SYNE1: variants seen among roughly 807,000 people sequenced by gnomAD.
SYNE1 encodes the protein nesprin-1.
In SYNE1, 616 loss-of-function variants were observed where a neutral mutation model predicts 1,111.0. The observed-to-expected ratio is 0.55, with a 90% CI of 0.52 to 0.59. SYNE1 has a LOEUF of 0.59. Ranked by LOEUF, SYNE1 falls within the 20% of genes least tolerant of loss-of-function variation. The pLI, the probability that SYNE1 is intolerant of heterozygous loss-of-function variation, is 0.00. For synonymous variants in SYNE1, 3,855 were observed against 3,825.8 expected (o/e 1.01, Z -0.28); for missense variants, 10,006 against 10,417.0 (o/e 0.96, Z 1.72).
chr6:152,448,691 C>G (rs1330476208), intron 28 of SYNE1, among the ~76,000 whole-genome samples: 1 of 152,012 alleles, frequency 6.6e-6, no homozygotes, highest in African/African-American at 2.4e-5. Context: ...AAAATACAAA[C>G]ATTAGCCAGG....
chr6:152,310,361 C>T, intron 89 of SYNE1, 35 bp downstream of exon 89: 1 of 1,613,364 alleles, frequency 6.2e-7, no homozygotes, highest in East Asian at 2.2e-5. Context: ...AATATAGGTC[C>T]CTGTCCCTAT....
chr6:152,571,772 A>T (rs1402050705), intron 3 of SYNE1, among the ~76,000 whole-genome samples: 6 of 152,232 alleles, frequency 3.9e-5, no homozygotes, highest in Non-Finnish European at 1.5e-5. Flanking sequence ...CAGAGAAAAG[A>T]TTAACATTTT....
chr6:152,518,907 A>G (rs2099125499), intron 6 of SYNE1, among the ~76,000 whole-genome samples: 1 of 151,778 alleles, frequency 6.6e-6, no homozygotes, highest in Non-Finnish European at 1.5e-5. Context: ...ATGTATATAT[A>G]TGAGTTAATA....
intron 127 of SYNE1, among the ~76,000 whole-genome samples, chr6:152,198,726 G>A (rs2074714733): frequency 6.6e-6 from 1 of 152,156 alleles, no homozygotes; most frequent in African/African-American, 2.4e-5. Flanking sequence ...TGTTGGTGGA[G>A]CAATCAGAAC....
chr6:152,450,948 A>G, intron 26 of SYNE1, 99 bp downstream of exon 26: 1 of 1,595,566 alleles, frequency 6.3e-7, no homozygotes, highest in Non-Finnish European at 8.6e-7. Context: ...AGAGTAATTA[A>G]GCTATTATTT....
rs751612745 is a variant in SYNE1, at chr6:152,326,274, AAC to A, written c.15293+20_15293+21del. The stretch of plus-strand genomic sequence containing the variant: ...GGAAATTCATTTCACTAAAACATAA[AAC>A]ACAAAACATCCTGAAATACCTCTGC... On this transcript the variant is annotated intron_variant, in intron 79 of 145. Coordinates refer to ENST00000367255, the MANE Select transcript of SYNE1 (RefSeq NM_182961.4). 4.3e-6 allele frequency: 7 copies of A among 1,613,844 alleles called. No homozygotes were observed. The Admixed American group carries it at 1.2e-4, about 27-fold the overall frequency.
At chr6:152,604,960 G>T (rs1401916470) in intron 3 of SYNE1, among the ~76,000 whole-genome samples, 31 of 15,102 alleles carry the variant, frequency 2.1e-3, no homozygotes, top group African/African-American at 6.8e-3. Context: ...AAGAAAGAAA[G>T]AAAGAAAGAA....
At position 152,526,152 on chromosome 6, in the gene SYNE1, G is replaced by T. The variant is rs779081280; in HGVS notation, c.153C>A (p.Asp51Glu). 3.1e-6 allele frequency: 5 copies of T among 1,614,090 alleles called. No homozygotes were observed. The highest frequency in any genetic ancestry group is 4.2e-6 in the Non-Finnish European group (5 of 1,179,980). Reference protein sequence around the residue: ...LAKRKPPMVVDDLFEDMKDGV... With the variant: ...LAKRKPPMVVEDLFEDMKDGV... ...CATCTTTCATGTCTTCAAAAAGATC[G>T]TCCACCACCATTGGAGGTTTCCGCT... is the stretch of plus-strand genomic sequence containing the variant. Residue 51 changes from aspartate to glutamate, a missense_variant, in exon 5 of 146, where the codon GAC (aspartate) becomes GAA (glutamate). By Grantham distance (45) the Asp-to-Glu change is conservative. Transcript: ENST00000367255.
chr6:152,146,102 C>T (rs1488959753), intron 137 of SYNE1: 1 of 154,518 alleles, frequency 6.5e-6, no homozygotes, highest in Non-Finnish European at 1.4e-5. Context: ...GGTCTGAGCA[C>T]AAATTTATCA....
intron 42 of SYNE1, among the ~76,000 whole-genome samples, chr6:152,412,796 G>A (rs543974552): frequency 6.6e-6 from 1 of 151,696 alleles, no homozygotes; most frequent in Admixed American, 6.6e-5. Flanking sequence ...GGCTGTCATG[G>A]TAGTACTTCA....
chr6:152,306,764 G>A (rs1458173345), intron 91 of SYNE1, among the ~76,000 whole-genome samples: 6 of 150,938 alleles, frequency 4.0e-5, no homozygotes, highest in East Asian at 1.9e-4. Context: ...GTACATGCTC[G>A]TAGTCCCAAA....
rs75908398 is a variant in SYNE1 at position 152,517,741 on chromosome 6, T to C, written c.309+2718A>G. On this transcript the variant is annotated intron_variant, in intron 6 of 145. Transcript: ENST00000367255. ...AAAAAAGCAAAATGCATTTATGGTA[T>C]GCTATCCTTCATGTAAGAAAGACGG... 4.5e-4 allele frequency among the ~76,000 whole-genome samples: 69 copies of C among 152,276 alleles called. 3 individuals carry two copies. In the East Asian group the frequency reaches 0.013, roughly 29 times the overall value.
intron 18 of SYNE1, chr6:152,464,888 G>A (rs758843795): frequency 1.0e-4 from 31 of 305,816 alleles, no homozygotes; most frequent in East Asian, 1.7e-4. Flanking sequence ...TTCAACTGGC[G>A]TATGCTACCA....
At chr6:152,250,624 T>C (rs1486440917) in intron 104 of SYNE1, among the ~76,000 whole-genome samples, 1 of 152,212 alleles carries the variant, frequency 6.6e-6, no homozygotes, top group Admixed American at 6.5e-5. Flanking sequence ...TCTGCAAGTC[T>C]AGTGGCTAAC....
At position 152,132,153 on chromosome 6, in the gene SYNE1, G is replaced by A; in HGVS notation, c.26063C>T (p.Ser8688Leu). 6.2e-7 allele frequency: 1 copy of A among 1,614,170 alleles called. No individual in the cohort carries two copies. The highest frequency in any genetic ancestry group is 8.5e-7 in the Non-Finnish European group (1 of 1,180,020). Residue 8688 changes from serine to leucine, a missense_variant, in exon 144 of 146, where the codon TCA becomes TTA. This residue lies in a region of SYNE1 where 761 missense variants were observed against 795.5 expected (regional missense o/e 0.96). Coordinates refer to ENST00000367255, the MANE Select transcript of SYNE1 (RefSeq NM_182961.4). ...LDTSGSVSPT[S>L]GRSTPNRQKT... ...CTGTCTGTTTGGGGTGCTCCTTCCT[G>A]ATGTGGGACTCACAGACCCTGAGGT...
At chr6:152,286,865 G>T (rs1289200764) in intron 95 of SYNE1, among the ~76,000 whole-genome samples, 1 of 152,118 alleles carries the variant, frequency 6.6e-6, no homozygotes, top group Non-Finnish European at 1.5e-5. Flanking sequence ...TATTGTTAGG[G>T]CTTTTGGTAT....
chr6:152,539,808 C>T, intron 4 of SYNE1, 152 bp downstream of exon 4: 1 of 875,122 alleles, frequency 1.1e-6, no homozygotes, highest in Non-Finnish European at 1.9e-6. Flanking sequence ...GCAAATTCCA[C>T]TCTTAGGCAA....
chr6:152,241,635 G>T (rs1039905430), intron 107 of SYNE1, among the ~76,000 whole-genome samples: 1 of 151,928 alleles, frequency 6.6e-6, no homozygotes, highest in African/African-American at 2.4e-5. Flanking sequence ...CATAGTAAAC[G>T]GCCTTGCTGT....
chr6:152,390,755 A>T (rs541180490), intron 52 of SYNE1, among the ~76,000 whole-genome samples: 1 of 152,332 alleles, frequency 6.6e-6, no homozygotes, highest in African/African-American at 2.4e-5. Context: ...ATGAAGACAC[A>T]TCTGTCTAAA....
Sources: gnomAD v4.1 joint callset for allele counts (sites outside exome capture counted in the v4.1 genomes callset) on GRCh38, gnomAD v4.1.1 for gene constraint, gnomAD v4.1.1 regional missense constraint, MANE v1.5 for transcripts, NCBI Gene and HGNC (gene_info 2026-07-23, HGNC 2026-07-21) for gene names.